Variants in ZNF316 observed in about 807,000 individuals in gnomAD.
ZNF316 encodes the protein zinc finger protein 316.
Under a neutral mutation model 75.6 loss-of-function variants are expected in ZNF316, and 23 were observed. That is an observed-to-expected ratio of 0.30 (90% CI 0.22 to 0.43). The LOEUF (loss-of-function observed/expected upper bound fraction) is 0.43. Among genes scored for constraint, ZNF316 ranks in the 20% least tolerant of loss-of-function variants. The probability of loss-of-function intolerance (pLI) is 1.00; values close to 1 mark genes in which losing one functional copy is unlikely to be tolerated. For missense variants in ZNF316, 1,266 were observed against 1,409.4 expected (o/e 0.90, Z 1.63); for synonymous variants, 827 against 666.2 (o/e 1.24, Z -3.72).
At chr7:6,645,628 G>A (rs1779387411) in intron 8 of ZNF316, among the ~76,000 whole-genome samples, 1 of 151,054 alleles carries the variant, frequency 6.6e-6, no homozygotes, top group Non-Finnish European at 1.5e-5. Flanking sequence ...AGGTTGTAGT[G>A]AGCCGAGGTT....
chr7:6,649,680 G>A (rs1279906745), intron 8 of ZNF316, among the ~76,000 whole-genome samples: 1 of 152,102 alleles, frequency 6.6e-6, no homozygotes, highest in Non-Finnish European at 1.5e-5. Context: ...AGTGCAGCCC[G>A]CTCAGACTCC....
intron 7 of ZNF316, 91 bp from the exon 8 acceptor site, chr7:6,644,389 G>A: frequency 1.7e-6 from 1 of 602,188 alleles, no homozygotes. Flanking sequence ...AGATGGAGGT[G>A]GAGGGGCACT....
At position 6,643,932 on chromosome 7, in the gene ZNF316, G is replaced by A. The variant is rs921789232; in HGVS notation, c.576G>A (p.Gly192=). 4.1e-6 allele frequency: 5 copies of A among 1,233,016 alleles called. No individual in the cohort carries two copies. The African/African-American group carries it at 6.2e-5, about 15-fold the overall frequency. 76.4% of individuals were successfully genotyped at this position (1,233,016 alleles called of 1,614,324 possible). Residue 192 remains glycine (G), a synonymous_variant, in exon 7 of 9, where the codon GGG becomes GGA. Transcript: ENST00000382252. ...LYQEVMQENY[G]ILVSLGYPIP... is the part of the protein sequence containing the mutation. The stretch of plus-strand genomic sequence containing the variant: ...AGGAAGTCATGCAGGAGAACTATGG[G>A]ATTCTCGTGTCCTTGGGTAAGGACG...
chr7:6,646,260 T>C (rs1177670929), intron 8 of ZNF316, among the ~76,000 whole-genome samples: 1 of 152,164 alleles, frequency 6.6e-6, no homozygotes, highest in Non-Finnish European at 1.5e-5. Flanking sequence ...TCTTGGAATA[T>C]TCCCCAGGTT....
chr7:6,653,728 G>A lies in ZNF316; in HGVS notation c.2132G>A (p.Arg711His). ...CGGGCCGCGCTGGCCAAGCACCAGC[G>A]CTACCACGCGGGCGAGCGGCCGCAT... ...GRRAALAKHQRYHAGERPHRC... is the reference protein window; with the variant it reads ...GRRAALAKHQHYHAGERPHRC... Residue 711 changes from arginine to histidine, a missense_variant, in exon 9 of 9, where the codon CGC (arginine) becomes CAC (histidine). Arg to His is a conservative substitution (Grantham distance 29). Around this residue, in one of 3 missense-constraint regions of ZNF316, gnomAD observed 961 missense variants for 990.9 expected, o/e 0.97. Transcript: ENST00000382252. 9.1e-7 allele frequency: 1 copy of A among 1,100,068 alleles called. No individual in the cohort carries two copies. Among genetic ancestry groups the A allele is most frequent in the Non-Finnish European group, 1.1e-6 (1 of 902,072 alleles). 68.1% of individuals were successfully genotyped at this position (1,100,068 alleles called of 1,614,324 possible). A position where few individuals can be genotyped will look rare whatever the true frequency, so the allele number is the denominator to read the frequency against.
In ZNF316 at chr7:6,656,463, C is replaced by T. The variant is rs1779629520; in HGVS notation, c.*1852C>T. ...GACTGGACTCCATGCTGTCGCCACT[C>T]CTGGGAACCCGTCGGGGAGGCTCTG... On this transcript the variant is annotated 3_prime_UTR_variant, in exon 9 of 9. Transcript: ENST00000382252. 6.6e-6 allele frequency: 1 copy of T among 152,236 alleles called. No individual in the cohort carries two copies. 9.4% of individuals were successfully genotyped at this position (152,236 alleles called of 1,614,324 possible). A position where few individuals can be genotyped will look rare whatever the true frequency, so the allele number is the denominator to read the frequency against.
intron 8 of ZNF316, among the ~76,000 whole-genome samples, chr7:6,647,837 G>A (rs571044456): frequency 9.2e-5 from 14 of 152,210 alleles, no homozygotes; most frequent in African/African-American, 3.1e-4. Flanking sequence ...GTGGGGTCCC[G>A]TGGCAGGTTG....
intron 8 of ZNF316, 116 bp downstream of exon 8, chr7:6,644,709 CTGCCTT>C: frequency 2.0e-6 from 1 of 491,016 alleles, no homozygotes; most frequent in East Asian, 3.6e-5. Context: ...GACTGCGCCT[CTGCCTT>C]TGCCGCCTGG....
Position 6,643,016 on chromosome 7 carries a change from G to T in ZNF316, c.408G>T (p.Glu136Asp). 1 of 1,239,602 alleles carries T rather than the reference G, an allele frequency of 8.1e-7. No individual in the cohort carries two copies. The highest frequency in any genetic ancestry group is 3.1e-5 in the East Asian group (1 of 32,058). The allele number at this position is 1,239,602 out of a possible 1,614,324, so 76.8% of individuals were successfully genotyped here. The change falls in exon 6 of 9, where the codon GAG (glutamate) becomes GAT (aspartate). Residue 136 changes from glutamate to aspartate, a missense_variant. Physicochemically the swap from Glu to Asp is conservative, Grantham distance 45. Transcript: ENST00000382252. ...CTCCTAGGGATGAGGACCTGGAGGA[G>T]GAGGAAGAGGAGGAGGAGGATGAGG... ...PATPRDEDLE[E>D]EEEEEEDEDE...
intron 8 of ZNF316, among the ~76,000 whole-genome samples, chr7:6,650,675 T>C (rs1779492104): frequency 6.6e-6 from 1 of 152,168 alleles, no homozygotes; most frequent in South Asian, 2.1e-4. Context: ...CTTATCCAGC[T>C]AGGTGACGGC....
intron 8 of ZNF316, among the ~76,000 whole-genome samples, chr7:6,651,624 G>A (rs1050922916): frequency 5.9e-5 from 9 of 152,008 alleles, no homozygotes; most frequent in Non-Finnish European, 8.8e-5. Context: ...AAAGCCGGGC[G>A]TGGTGGCCTG....
chr7:6,650,834 T>C (rs1445232496), intron 8 of ZNF316, among the ~76,000 whole-genome samples: 1 of 152,158 alleles, frequency 6.6e-6, no homozygotes, highest in Non-Finnish European at 1.5e-5. Flanking sequence ...AGGCCAGGTG[T>C]CATCCCTGTG....
rs898450076 is a variant in ZNF316 at position 6,658,243 on chromosome 7, C to T, written c.*3632C>T. ...ATATGGAATAAAGTATTTTGAATTACTGGGTTATATCTATTAAATAAAGCT... is the reference window on the plus strand; with the variant it reads ...ATATGGAATAAAGTATTTTGAATTATTGGGTTATATCTATTAAATAAAGCT... On this transcript the variant is annotated 3_prime_UTR_variant, in exon 9 of 9. Coordinates refer to ENST00000382252, the MANE Select transcript of ZNF316 (RefSeq NM_001278559.2). Among the ~76,000 whole-genome samples the T allele has an allele frequency of 1.6e-4, 25 of 152,016 alleles. No individual in the cohort carries two copies. Among genetic ancestry groups the T allele is most frequent in the Middle Eastern group, 3.4e-3 (1 of 292 alleles).
At position 6,654,241 on chromosome 7, in the gene ZNF316, C is replaced by G; in HGVS notation, c.2645C>G (p.Thr882Arg). The change falls in exon 9 of 9, where the codon ACG (threonine) becomes AGG (arginine). Residue 882 changes from threonine (T) to arginine (R), a missense_variant. This residue lies in a region of ZNF316 where 194 missense variants were observed against 319.2 expected (regional missense o/e 0.61). Coordinates refer to ENST00000382252, the MANE Select transcript of ZNF316 (RefSeq NM_001278559.2). ...CTGGCCAAGCACCGGCGCGGCCACACGGGCGAACGCCCCTTCCCGTGCCCT... is the reference window on the plus strand; with the variant it reads ...CTGGCCAAGCACCGGCGCGGCCACAGGGGCGAACGCCCCTTCCCGTGCCCT... ...SNLAKHRRGHTGERPFPCPEC... is the reference protein window; with the variant it reads ...SNLAKHRRGHRGERPFPCPEC... 8.2e-7 allele frequency: 1 copy of G among 1,222,666 alleles called. No homozygotes were observed. The highest frequency in any genetic ancestry group is 1.0e-6 in the Non-Finnish European group (1 of 981,590). 75.7% of individuals were successfully genotyped at this position (1,222,666 alleles called of 1,614,324 possible).
In ZNF316 at chr7:6,640,596, C is replaced by T. The variant is rs866229378; in HGVS notation, c.-166-1229C>T. Among the ~76,000 whole-genome samples, 10 of 152,322 alleles carry T rather than the reference C, an allele frequency of 6.6e-5. No homozygotes were observed. In the South Asian group the frequency reaches 1.4e-3, roughly 22 times the overall value. ...GCCCCGCCTCCAGCATTGGGGATTA[C>T]GGTTCAGCGTGAGATCTGGGCGGGG... On this transcript the variant is annotated intron_variant, in intron 3 of 8. Coordinates refer to ENST00000382252, the MANE Select transcript of ZNF316 (RefSeq NM_001278559.2). This position sits in a 1 kb window ranked among gnomAD's most constrained non-coding sequence, Gnocchi z 5.1.
chr7:6,643,380 C>T (rs1250239840), intron 6 of ZNF316, among the ~76,000 whole-genome samples: 1 of 152,272 alleles, frequency 6.6e-6, no homozygotes, highest in Non-Finnish European at 1.5e-5. Flanking sequence ...CTCCCCTCAC[C>T]TGGAGTGCCT....
At chr7:6,651,607 A>T (rs532710521) in intron 8 of ZNF316, among the ~76,000 whole-genome samples, 92 of 149,352 alleles carry the variant, frequency 6.2e-4, no homozygotes, top group Admixed American at 2.3e-3. Flanking sequence ...GTGAGCTTTT[A>T]AAAAAAAAAG....
chr7:6,638,357 A>T (rs1370375675), intron 2 of ZNF316, among the ~76,000 whole-genome samples: 2 of 152,118 alleles, frequency 1.3e-5, no homozygotes, highest in Non-Finnish European at 2.9e-5. Context: ...CGGGGAAGGA[A>T]GTCCTTCAGG....
In ZNF316 at chr7:6,640,655, T is replaced by A. The variant is rs780181295; in HGVS notation, c.-166-1170T>A. 1.5e-3 allele frequency among the ~76,000 whole-genome samples: 231 copies of A among 152,262 alleles called. No individual in the cohort carries two copies. The highest frequency in any genetic ancestry group is 1.3e-3 in the Non-Finnish European group (91 of 68,004). The stretch of plus-strand genomic sequence containing the variant: ...CCAGGCTCCATCAGTCCCCTTCCAG[T>A]CTCACGCTGAAGCATGATTTCCAGT... On this transcript the variant is annotated intron_variant, in intron 3 of 8. Coordinates refer to ENST00000382252, the MANE Select transcript of ZNF316 (RefSeq NM_001278559.2). This position sits in a 1 kb window ranked among gnomAD's most constrained non-coding sequence, Gnocchi z 5.1.
Sources: gnomAD v4.1 joint callset for allele counts (sites outside exome capture counted in the v4.1 genomes callset) on GRCh38, gnomAD v4.1.1 for gene constraint, gnomAD v4.1.1 regional missense constraint, Gnocchi (gnomAD v3.1) non-coding constraint, MANE v1.5 for transcripts, NCBI Gene and HGNC (gene_info 2026-07-23, HGNC 2026-07-21) for gene names.